The following GRTP1 variants were observed in gnomAD, a reference collection of about 807,000 sequenced individuals.
The protein encoded by GRTP1 is growth hormone regulated TBC protein 1.
A neutral mutation model predicts 38.1 loss-of-function variants in GRTP1; 56 were observed. The observed-to-expected ratio is 1.47, with a 90% CI of 1.19 to 1.84. The LOEUF is 1.84. Among genes scored for constraint, GRTP1 ranks in the 40% most tolerant of loss-of-function variants. The probability of loss-of-function intolerance (pLI) is 0.00; values close to 1 mark genes in which losing one functional copy is unlikely to be tolerated. For synonymous variants in GRTP1, 217 were observed against 189.5 expected (o/e 1.14, Z -1.19); for missense variants, 506 against 453.9 (o/e 1.11, Z -1.04).
intron 5 of GRTP1, among the ~76,000 whole-genome samples, chr13:113,329,313 C>T (rs1477299032): frequency 6.6e-6 from 1 of 152,190 alleles, no homozygotes; most frequent in East Asian, 1.9e-4. Context: ...TGCAGTGGCT[C>T]ACACCTGTAA....
chr13:113,356,668 G>GA (rs757732633), intron 2 of GRTP1, among the ~76,000 whole-genome samples: 5 of 152,032 alleles, frequency 3.3e-5, no homozygotes, highest in South Asian at 4.1e-4. Flanking sequence ...TGCCTTAAAA[G>GA]AAAAAAATCT....
chr13:113,338,879 TCTG>T (rs1474423650), intron 5 of GRTP1, among the ~76,000 whole-genome samples: 11 of 151,886 alleles, frequency 7.2e-5, no homozygotes, highest in Non-Finnish European at 1.3e-4. Flanking sequence ...CACCTGATGT[TCTG>T]CTGAGCTGTT....
intron 5 of GRTP1, among the ~76,000 whole-genome samples, chr13:113,331,800 C>T (rs1359766347): frequency 1.3e-5 from 2 of 150,916 alleles, no homozygotes; most frequent in African/African-American, 4.9e-5. Context: ...GGATCACAGG[C>T]ATCCGACACC....
chr13:113,325,425 G>C, intron 7 of GRTP1: 1 of 1,442,760 alleles, frequency 6.9e-7, no homozygotes, highest in Non-Finnish European at 9.0e-7. Flanking sequence ...ACAGCCATTA[G>C]GACCAGGAGC....
At chr13:113,363,659 G>A in intron 2 of GRTP1, 103 bp downstream of exon 2, 1 of 1,224,384 alleles carries the variant, frequency 8.2e-7, no homozygotes, top group Non-Finnish European at 1.1e-6. Context: ...TGCCCGGAAA[G>A]GTTCCTCCCC....
intron 2 of GRTP1, among the ~76,000 whole-genome samples, chr13:113,363,364 C>T (rs1451776986): frequency 6.6e-6 from 1 of 152,214 alleles, no homozygotes; most frequent in Non-Finnish European, 1.5e-5. Flanking sequence ...GGAGCCACCA[C>T]GCCCGGCTAA....
At chr13:113,332,651 C>T (rs191613245) in intron 5 of GRTP1, among the ~76,000 whole-genome samples, 5 of 152,356 alleles carry the variant, frequency 3.3e-5, no homozygotes, top group East Asian at 1.9e-4. Flanking sequence ...AAACACATCC[C>T]GAGGAATCCA....
In GRTP1 at chr13:113,339,859, A is replaced by G. The variant is rs543506810; in HGVS notation, c.562+5004T>C. ...TCTTCAAACTAAAAAAATACTTCAT[A>G]GTCACCTGTAGATTCAAGTTGCTAA... On this transcript the variant is annotated intron_variant, in intron 5 of 7. Coordinates refer to ENST00000375431, the MANE Select transcript of GRTP1 (RefSeq NM_024719.4). 1.5e-4 allele frequency: 23 copies of G among 152,340 alleles called. No homozygotes were observed. In the South Asian group the frequency reaches 4.8e-3, roughly 32 times the overall value. The allele number at this position is 152,340 out of a possible 1,614,324, so 9.4% of individuals were successfully genotyped here. A position where few individuals can be genotyped will look rare whatever the true frequency, so the allele number is the denominator to read the frequency against.
intron 7 of GRTP1, 130 bp downstream of exon 7, chr13:113,325,531 A>G (rs781392742): frequency 9.1e-6 from 14 of 1,545,922 alleles, no homozygotes; most frequent in Non-Finnish European, 1.2e-5. Context: ...ACAGAGCTGG[A>G]GGCTCATCCT....
chr13:113,324,810 GCCATCTGCTT>G lies in GRTP1; in HGVS notation c.922-243_922-234del, dbSNP rs527876630. The G allele has an allele frequency of 1.5e-3, 1,864 of 1,265,390 alleles. 17 individuals are homozygous for G. The African/African-American group carries it at 0.027, about 18-fold the overall frequency. 78.4% of individuals were successfully genotyped at this position (1,265,390 alleles called of 1,614,324 possible). A position where few individuals can be genotyped will look rare whatever the true frequency, so the allele number is the denominator to read the frequency against. On this transcript the variant is annotated intron_variant, in intron 7 of 7. Coordinates refer to ENST00000375431, the MANE Select transcript of GRTP1 (RefSeq NM_024719.4). ...AATGAATCAAACGGTGGAAGAAAAG[GCCATCTGCTT>G]CCATTAGACTTTTTTTTTTTTTTTG...
intron 5 of GRTP1, 39 bp from the exon 6 acceptor site, chr13:113,326,130 C>T (rs377008809): frequency 2.3e-5 from 36 of 1,597,148 alleles, no homozygotes; most frequent in Middle Eastern, 1.6e-4. Flanking sequence ...GAGACACTCC[C>T]GTCACCTCCA....
At chr13:113,329,164 G>A (rs185309275) in intron 5 of GRTP1, among the ~76,000 whole-genome samples, 213 of 152,350 alleles carry the variant, frequency 1.4e-3, no homozygotes, top group African/African-American at 4.7e-3. Context: ...GCCCAGCTGG[G>A]GGACCTAAGG....
At chr13:113,337,897 C>T (rs2042975824) in intron 5 of GRTP1, among the ~76,000 whole-genome samples, 1 of 152,260 alleles carries the variant, frequency 6.6e-6, no homozygotes, top group Admixed American at 6.5e-5. Context: ...GAGCCGTGGT[C>T]CCCACAGAAT....
At chr13:113,325,409 A>G (rs2042744730) in intron 7 of GRTP1, 2 of 1,438,476 alleles carry the variant, frequency 1.4e-6, no homozygotes, top group Non-Finnish European at 1.8e-6. Context: ...CACACAGCAG[A>G]TGAGTACAGC....
At position 113,352,315 on chromosome 13, in the gene GRTP1, TATATATATTTTTA is replaced by T. The variant is rs1566437844; in HGVS notation, c.341-1355_341-1343del. The stretch of plus-strand genomic sequence containing the variant: ...ATTTATATATATTTTATATATATTT[TATATATATTTTTA>T]TATATATTTTATATATATATTTATA... On this transcript the variant is annotated intron_variant, in intron 3 of 7. Coordinates refer to ENST00000375431, the MANE Select transcript of GRTP1 (RefSeq NM_024719.4). Among the ~76,000 whole-genome samples, 55 of 33,094 alleles carry T rather than the reference TATATATATTTTTA, an allele frequency of 1.7e-3. 1 individual carries two copies. In the East Asian group the frequency reaches 0.033, roughly 20 times the overall value. The allele number at this position is 33,094 out of a possible 152,430, so 21.7% of individuals were successfully genotyped here.
At chr13:113,338,106 C>A (rs1266573402) in intron 5 of GRTP1, among the ~76,000 whole-genome samples, 2 of 152,242 alleles carry the variant, frequency 1.3e-5, no homozygotes, top group Non-Finnish European at 2.9e-5. Flanking sequence ...CCCCCTCCAC[C>A]CTCAGTCACG....
In GRTP1 at chr13:113,324,479, C is replaced by A. The variant is rs749373153; in HGVS notation, c.*9G>T. 6.2e-7 allele frequency: 1 copy of A among 1,602,462 alleles called. No individual in the cohort carries two copies. The highest frequency in any genetic ancestry group is 2.3e-5 in the East Asian group (1 of 44,410). ...GTGTAGAGACGAGCAACGCAGGGGA[C>A]AGGCACGCTCACCCCTGTGCCAGCA... On this transcript the variant is annotated 3_prime_UTR_variant, in exon 8 of 8. Transcript: ENST00000375431.
chr13:113,355,219 C>G, intron 3 of GRTP1, 104 bp downstream of exon 3: 1 of 1,141,088 alleles, frequency 8.8e-7, no homozygotes, highest in Admixed American at 2.4e-5. Flanking sequence ...TTAAAAGCAG[C>G]AGGCGCACCG....
At chr13:113,358,194 C>T (rs117748422) in intron 2 of GRTP1, among the ~76,000 whole-genome samples, 4,713 of 151,932 alleles carry the variant, frequency 0.031, 111 homozygotes, top group Non-Finnish European at 0.047. Context: ...AAAATAAATA[C>T]ATAAAAATAA....
Sources: gnomAD v4.1 joint callset for allele counts (sites outside exome capture counted in the v4.1 genomes callset) on GRCh38, gnomAD v4.1.1 for gene constraint, MANE v1.5 for transcripts, NCBI Gene and HGNC (gene_info 2026-07-23, HGNC 2026-07-21) for gene names.